Variants in C10orf143 observed in about 807,000 individuals in gnomAD.
The protein encoded by C10orf143 is chromosome 10 open reading frame 143.
chr10:130,054,436 G>A (rs1461758952), intron 3 of C10orf143, among the ~76,000 whole-genome samples: 6 of 152,210 alleles, frequency 3.9e-5, no homozygotes, highest in Non-Finnish European at 2.9e-5. Flanking sequence ...TGGGCATGCA[G>A]GTTGTTTTCA....
downstream of C10orf143, among the ~76,000 whole-genome samples, chr10:130,059,528 A>G (rs112585288): frequency 5.7e-3 from 866 of 152,306 alleles, 15 homozygotes; most frequent in African/African-American, 0.02. Context: ...GTGGCATGCA[A>G]ATTAAAACTG....
In C10orf143 at chr10:130,056,448, G is replaced by A. The variant is rs571532872; in HGVS notation, c.298-20478C>T. ...AGTGAATACCCCAGGACCTTCATGT[G>A]GGTGACTGAGAACTCATACTTGGCT... On this transcript the variant is annotated intron_variant and NMD_transcript_variant, in intron 3 of 5. Transcript: ENST00000643056. This position sits in a 1 kb window ranked among gnomAD's most constrained non-coding sequence, Gnocchi z 4.6. Among the ~76,000 whole-genome samples, 532 of 152,272 alleles carry A rather than the reference G, an allele frequency of 3.5e-3. 2 individuals are homozygous for A. The highest frequency in any genetic ancestry group is 6.5e-3 in the Non-Finnish European group (443 of 68,026).
rs552459106 is a variant in C10orf143, at chr10:130,076,828, T to C, written c.297+2738A>G. ...TGGAAGCCTGCAGCCTAGGTGACTG[T>C]CCAGCATGGGAGCCATTGGTGGCAG... On this transcript the variant is annotated intron_variant, in intron 3 of 3. Coordinates refer to ENST00000637128, the MANE Select transcript of C10orf143 (RefSeq NM_001355042.2). 3.3e-3 allele frequency among the ~76,000 whole-genome samples: 501 copies of C among 152,234 alleles called. 6 individuals are homozygous for C. Among genetic ancestry groups the C allele is most frequent in the African/African-American group, 0.011 (476 of 41,546 alleles).
At chr10:130,086,716 C>T (rs760360881) in intron 1 of C10orf143, among the ~76,000 whole-genome samples, 7 of 152,314 alleles carry the variant, frequency 4.6e-5, no homozygotes, top group South Asian at 2.1e-4. Flanking sequence ...ACACCATAGT[C>T]GGCTAATAGC....
intron 1 of C10orf143, among the ~76,000 whole-genome samples, chr10:130,109,922 G>A (rs1861731102): frequency 6.6e-6 from 1 of 152,026 alleles, no homozygotes; most frequent in Non-Finnish European, 1.5e-5. Context: ...TGAAATAAAC[G>A]AGGTTAAGTA....
chr10:130,107,947 A>C (rs1861686823), intron 1 of C10orf143: 1 of 1,471,936 alleles, frequency 6.8e-7, no homozygotes, highest in Non-Finnish European at 9.5e-7. Flanking sequence ...GACTGTCTGG[A>C]CCAGCAGAAC....
intron 1 of C10orf143, chr10:130,108,302 C>T (rs1271985575): frequency 2.1e-5 from 33 of 1,564,808 alleles, no homozygotes; most frequent in Non-Finnish European, 2.8e-5. Context: ...AAATGTCTAT[C>T]CACCGAGGGG....
At chr10:130,050,988 G>T (rs961647267) in intron 3 of C10orf143, among the ~76,000 whole-genome samples, 14 of 152,296 alleles carry the variant, frequency 9.2e-5, no homozygotes, top group Non-Finnish European at 1.5e-4. Context: ...CGGCCCGTGC[G>T]TGGACAGGTG....
intron 1 of C10orf143, chr10:130,107,826 C>T (rs1270217728): frequency 8.0e-7 from 1 of 1,249,764 alleles, no homozygotes; most frequent in South Asian, 1.2e-5. Flanking sequence ...GGGTCCCTGT[C>T]ACTTCCGAGG....
chr10:130,085,362 G>A (rs1590025041), intron 1 of C10orf143, among the ~76,000 whole-genome samples: 1 of 152,262 alleles, frequency 6.6e-6, no homozygotes, highest in Non-Finnish European at 1.5e-5. Context: ...ACCCTCCTCC[G>A]TACAACGTAC....
intron 3 of C10orf143, among the ~76,000 whole-genome samples, chr10:130,077,758 CT>C (rs1861141977): frequency 6.6e-6 from 1 of 152,100 alleles, no homozygotes; most frequent in South Asian, 2.1e-4. Flanking sequence ...AAAATAGTGT[CT>C]TATTATTTTA....
Position 130,056,544 on chromosome 10 carries a change from T to C in C10orf143, c.298-20574A>G, listed in dbSNP as rs190691401. Among the ~76,000 whole-genome samples the C allele has an allele frequency of 4.6e-5, 7 of 152,246 alleles. No homozygotes were observed. In the East Asian group the frequency reaches 1.2e-3, roughly 25 times the overall value. On this transcript the variant is annotated intron_variant and NMD_transcript_variant, in intron 3 of 5. Transcript: ENST00000643056. This position sits in a 1 kb window ranked among gnomAD's most constrained non-coding sequence, Gnocchi z 4.6. ...ACAGAGAAAGGGAAGGGTTGAGCCA[T>C]TGAGAGTTTTTTATTTCTTTCATTT... is the stretch of plus-strand genomic sequence containing the variant.
intron 3 of C10orf143, among the ~76,000 whole-genome samples, chr10:130,041,908 ACT>A (rs1171200034): frequency 1.3e-4 from 20 of 152,212 alleles, no homozygotes; most frequent in African/African-American, 4.3e-4. Context: ...ACATGCACAC[ACT>A]CATACAATTA....
chr10:130,099,364 A>G (rs1455131982), intron 1 of C10orf143, among the ~76,000 whole-genome samples: 1 of 152,150 alleles, frequency 6.6e-6, no homozygotes, highest in Admixed American at 6.6e-5. Context: ...ACAGAAGGCA[A>G]AATGAGGGCT....
At chr10:130,045,144 G>A (rs191615377) in intron 3 of C10orf143, among the ~76,000 whole-genome samples, 1 of 152,342 alleles carries the variant, frequency 6.6e-6, no homozygotes, top group Admixed American at 6.5e-5. Flanking sequence ...CTGACCCAGC[G>A]TGGGTCTGGC....
chr10:130,062,525 G>A (rs1414643445), downstream of C10orf143, among the ~76,000 whole-genome samples: 2 of 152,058 alleles, frequency 1.3e-5, no homozygotes, highest in Admixed American at 6.6e-5. Context: ...CTTGAACATC[G>A]AACTCCAAGT....
At chr10:130,106,022 G>T in intron 1 of C10orf143, 1 of 480,692 alleles carries the variant, frequency 2.1e-6, no homozygotes, top group South Asian at 1.7e-5. Flanking sequence ...TTACTGCGGC[G>T]ACCGCCAGAG....
At chr10:130,042,229 T>C (rs1013918835) in intron 3 of C10orf143, among the ~76,000 whole-genome samples, 2 of 152,240 alleles carry the variant, frequency 1.3e-5, no homozygotes, top group African/African-American at 4.8e-5. Flanking sequence ...TCAGAAAATG[T>C]GCATAGAGTT....
intron 1 of C10orf143, among the ~76,000 whole-genome samples, chr10:130,100,030 G>T (rs557679416): frequency 1.4e-3 from 215 of 151,162 alleles, no homozygotes; most frequent in African/African-American, 4.7e-3. Flanking sequence ...TAGAGACGGG[G>T]TTTCACCATG....
Sources: allele counts gnomAD v4.1 joint callset (sites outside exome capture counted in the v4.1 genomes callset), GRCh38; gene constraint gnomAD v4.1.1; non-coding constraint Gnocchi (gnomAD v3.1); transcripts MANE v1.5; gene names NCBI Gene and HGNC (gene_info 2026-07-23, HGNC 2026-07-21).